DGKG: variants seen among roughly 807,000 people sequenced by gnomAD.
DGKG encodes the protein DAG kinase gamma.
In DGKG, 78 loss-of-function variants were observed where a neutral mutation model predicts 105.3. The ratio of observed to expected loss-of-function variants is 0.74; its 90% CI spans 0.62 to 0.89. DGKG has a LOEUF of 0.89. DGKG is among the 40% of genes least tolerant of loss of function. The pLI is 0.00. For synonymous variants in DGKG, 346 were observed against 367.1 expected (o/e 0.94, Z 0.66); for missense variants, 958 against 1,020.1 (o/e 0.94, Z 0.83).
chr3:186,195,609 C>T (rs1423765559), intron 21 of DGKG, among the ~76,000 whole-genome samples: 1 of 152,116 alleles, frequency 6.6e-6, no homozygotes, highest in Non-Finnish European at 1.5e-5. Context: ...AATGCAGATT[C>T]TGATTCAAGA....
At chr3:186,326,884 G>A (rs765417634) in intron 1 of DGKG, among the ~76,000 whole-genome samples, 34 of 152,240 alleles carry the variant, frequency 2.2e-4, no homozygotes, top group Admixed American at 5.9e-4. Flanking sequence ...TCAGCCAGGC[G>A]TTGGTGGCTC....
chr3:186,233,667 T>A (rs1390075238), intron 20 of DGKG, among the ~76,000 whole-genome samples: 1 of 152,148 alleles, frequency 6.6e-6, no homozygotes, highest in East Asian at 1.9e-4. Context: ...GTATTTTTAG[T>A]AGAGATGGGG....
chr3:186,215,832 G>A (rs1041685107), intron 20 of DGKG, among the ~76,000 whole-genome samples: 9 of 152,102 alleles, frequency 5.9e-5, no homozygotes, highest in South Asian at 2.1e-4. Context: ...AGTGGCAGTC[G>A]TCTTTGTAAC....
intron 2 of DGKG, chr3:186,313,473 C>T (rs1302380525): frequency 5.1e-6 from 5 of 982,698 alleles, no homozygotes; most frequent in Non-Finnish European, 6.0e-6. Context: ...CATTTTCTCA[C>T]CTTTTCTCCA....
chr3:186,187,679 A>G (rs1462722428), intron 22 of DGKG, among the ~76,000 whole-genome samples: 1 of 152,226 alleles, frequency 6.6e-6, no homozygotes, highest in African/African-American at 2.4e-5. Flanking sequence ...CAAGGGCTTA[A>G]GTACAGACAG....
intron 3 of DGKG, among the ~76,000 whole-genome samples, chr3:186,302,505 T>C (rs918619204): frequency 0.22 from 2,640 of 11,922 alleles, 77 homozygotes; most frequent in African/African-American, 0.27. Flanking sequence ...TATATATATA[T>C]ACATATGTGT....
chr3:186,343,900 C>T (rs989488832), intron 1 of DGKG, among the ~76,000 whole-genome samples: 2 of 152,048 alleles, frequency 1.3e-5, no homozygotes, highest in Admixed American at 1.3e-4. Context: ...TTCCTCAATA[C>T]CAGCAAAACA....
rs193164062 is a variant in DGKG at position 186,261,950 on chromosome 3, A to G, written c.1270-172T>C. Reference sequence around the variant, plus strand: ...AGGGGCTAAGTAGCTAAGTGTCTCCAGTTTGAATGGCCTTTAAGTAGTGTT... The same window carrying G: ...AGGGGCTAAGTAGCTAAGTGTCTCCGGTTTGAATGGCCTTTAAGTAGTGTT... On this transcript the variant is annotated intron_variant, in intron 14 of 24. Coordinates refer to ENST00000265022, the MANE Select transcript of DGKG (RefSeq NM_001346.3). The G allele has an allele frequency of 2.2e-5, 12 of 548,180 alleles. No homozygotes were observed. In the East Asian group the frequency reaches 3.8e-4, roughly 17 times the overall value. 34.0% of individuals were successfully genotyped at this position (548,180 alleles called of 1,614,324 possible).
At chr3:186,333,295 T>C (rs1725685693) in intron 1 of DGKG, among the ~76,000 whole-genome samples, 1 of 152,154 alleles carries the variant, frequency 6.6e-6, no homozygotes. Context: ...TGCCTGTGTT[T>C]TGTAATCACT....
rs191432888 is a variant in DGKG at position 186,318,919 on chromosome 3, G to T, written c.67+1474C>A. On this transcript the variant is annotated intron_variant, in intron 2 of 24. Transcript: ENST00000265022. ...CTCGTTTCCACGCTTAGTTTATCCA[G>T]CTGTACCAGAGCTGTTTGCCTGCTG... Among the ~76,000 whole-genome samples the T allele has an allele frequency of 1.2e-4, 19 of 152,296 alleles. No individual in the cohort carries two copies. The East Asian group carries it at 3.7e-3, about 29-fold the overall frequency.
intron 5 of DGKG, among the ~76,000 whole-genome samples, chr3:186,297,047 CTG>C (rs1723599241): frequency 7.9e-6 from 1 of 127,296 alleles, no homozygotes; most frequent in African/African-American, 3.2e-5. Flanking sequence ...CCACCTCTCT[CTG>C]TCTGTCTGTC....
chr3:186,283,595 G>A (rs1322390329), intron 7 of DGKG, among the ~76,000 whole-genome samples: 10 of 152,226 alleles, frequency 6.6e-5, no homozygotes, highest in African/African-American at 2.4e-4. Context: ...TTACTATGCT[G>A]CTTAGTGTCT....
chr3:186,261,929 GC>G (rs1168581465), intron 14 of DGKG, 151 bp from the exon 15 acceptor site: 1 of 568,860 alleles, frequency 1.8e-6, no homozygotes, highest in Non-Finnish European at 3.2e-6. Flanking sequence ...TTTCGGAGGG[GC>G]TAAGTAGCTA....
intron 22 of DGKG, among the ~76,000 whole-genome samples, chr3:186,172,615 C>T: frequency 6.6e-6 from 1 of 152,292 alleles, no homozygotes; most frequent in Non-Finnish European, 1.5e-5. Context: ...GCTAGTTAGC[C>T]AATGCTCATG....
intron 15 of DGKG, among the ~76,000 whole-genome samples, chr3:186,261,469 G>A (rs1290758141): frequency 5.9e-5 from 9 of 152,196 alleles, no homozygotes; most frequent in African/African-American, 1.9e-4. Context: ...GCTAAGCACC[G>A]TGTCTGTTCT....
chr3:186,256,531 C>T (rs1721483684), intron 17 of DGKG, among the ~76,000 whole-genome samples: 1 of 152,228 alleles, frequency 6.6e-6, no homozygotes, highest in South Asian at 2.1e-4. Flanking sequence ...AACTGATCTC[C>T]CCGCTTCTGC....
At chr3:186,186,438 G>A (rs900570164) in intron 22 of DGKG, among the ~76,000 whole-genome samples, 4 of 152,142 alleles carry the variant, frequency 2.6e-5, no homozygotes, top group African/African-American at 9.7e-5. Flanking sequence ...AGTCATCTGG[G>A]GAGCTCATTA....
In DGKG at chr3:186,284,603, T is replaced by C; in HGVS notation, c.594+57A>G. On this transcript the variant is annotated intron_variant, in intron 7 of 24. Coordinates refer to ENST00000265022, the MANE Select transcript of DGKG (RefSeq NM_001346.3). This position sits in a 1 kb window ranked among gnomAD's most constrained non-coding sequence, Gnocchi z 4.0. ...ATTTTCAGATTCTTCCTCTGCTTGC[T>C]CCCTGCTCCCCCAGCCTTTCTCAGG... 1.4e-6 allele frequency: 2 copies of C among 1,424,796 alleles called. No individual in the cohort carries two copies. The highest frequency in any genetic ancestry group is 2.0e-6 in the Non-Finnish European group (2 of 1,008,390). The allele number at this position is 1,424,796 out of a possible 1,614,324, so 88.3% of individuals were successfully genotyped here.
At chr3:186,165,174 C>A (rs566801931) in intron 22 of DGKG, among the ~76,000 whole-genome samples, 156 bp from the exon 23 acceptor site, 1 of 152,280 alleles carries the variant, frequency 6.6e-6, no homozygotes, top group African/African-American at 2.4e-5. Flanking sequence ...GGTGTTTCCC[C>A]AAAGATCAAT....
Sources: gnomAD v4.1 joint callset for allele counts (sites outside exome capture counted in the v4.1 genomes callset) on GRCh38, gnomAD v4.1.1 for gene constraint, Gnocchi (gnomAD v3.1) non-coding constraint, MANE v1.5 for transcripts, NCBI Gene and HGNC (gene_info 2026-07-23, HGNC 2026-07-21) for gene names.